TFCP2: variants seen among roughly 807,000 people sequenced by gnomAD.
TFCP2 encodes transcription factor CP2, also known as alpha-globin transcription factor CP2.
Under a neutral mutation model 73.4 loss-of-function variants are expected in TFCP2, and 33 were observed. The ratio of observed to expected loss-of-function variants is 0.45; its 90% CI spans 0.34 to 0.60. The LOEUF (loss-of-function observed/expected upper bound fraction) is 0.60. Among genes scored for constraint, TFCP2 ranks in the 20% least tolerant of loss-of-function variants. The pLI, the probability that TFCP2 is intolerant of heterozygous loss-of-function variation, is 0.01. For synonymous variants in TFCP2, 193 were observed against 211.6 expected, an observed-to-expected ratio of 0.91 and a Z score of 0.76; for missense variants, 352 against 604.0, an observed-to-expected ratio of 0.58 and a Z score of 4.37.
intron 1 of TFCP2, among the ~76,000 whole-genome samples, chr12:51,171,932 C>G (rs889955296): frequency 2.6e-5 from 4 of 152,182 alleles, no homozygotes; most frequent in African/African-American, 9.6e-5. Context: ...AATTTCCCAA[C>G]TTCCTAGATA....
chr12:51,106,029 T>C (rs1940229666), intron 8 of TFCP2, among the ~76,000 whole-genome samples: 1 of 152,190 alleles, frequency 6.6e-6, no homozygotes, highest in Non-Finnish European at 1.5e-5. Flanking sequence ...TTCCAAAACT[T>C]CATTTTAGCC....
At chr12:51,138,594 C>T (rs556893815) in intron 1 of TFCP2, among the ~76,000 whole-genome samples, 2 of 152,072 alleles carry the variant, frequency 1.3e-5, no homozygotes, top group African/African-American at 2.4e-5. Context: ...ATAGGACTTA[C>T]GAACATTTCT....
At chr12:51,159,005 TCCAAAAA>T (rs1941595918) in intron 1 of TFCP2, among the ~76,000 whole-genome samples, 1 of 104,414 alleles carries the variant, frequency 9.6e-6, no homozygotes. Context: ...CTACTAAAAA[TCCAAAAA>T]AAAAAAAAAA....
At chr12:51,165,599 A>G (rs901304586) in intron 1 of TFCP2, among the ~76,000 whole-genome samples, 3 of 152,126 alleles carry the variant, frequency 2.0e-5, no homozygotes, top group African/African-American at 7.2e-5. Flanking sequence ...CAGAGGCTGG[A>G]GTGGGGGGAG....
intron 4 of TFCP2, among the ~76,000 whole-genome samples, chr12:51,114,473 C>T (rs1314667621): frequency 1.3e-5 from 2 of 151,740 alleles, no homozygotes; most frequent in African/African-American, 2.4e-5. Context: ...GGTGTGGTGG[C>T]GGGCACCTGT....
chr12:51,108,074 C>A (rs1046796963), intron 6 of TFCP2, among the ~76,000 whole-genome samples: 2 of 151,494 alleles, frequency 1.3e-5, no homozygotes, highest in African/African-American at 2.4e-5. Flanking sequence ...TGCCTGAGGT[C>A]AGGAGTTCGA....
intron 2 of TFCP2, 73 bp from the exon 3 acceptor site, chr12:51,117,820 A>C: frequency 9.8e-7 from 1 of 1,021,328 alleles, no homozygotes; most frequent in Middle Eastern, 2.6e-4. Context: ...AATAAAATTC[A>C]GTTGGTTGAA....
chr12:51,107,376 C>G, intron 6 of TFCP2, 30 bp from the exon 7 acceptor site: 1 of 1,575,000 alleles, frequency 6.3e-7, no homozygotes, highest in South Asian at 1.2e-5. Flanking sequence ...GTTTTAAATT[C>G]AGGTACTCAC....
Position 51,118,660 on chromosome 12 carries a change from C to T in TFCP2, c.235G>A (p.Val79Met). The T allele has an allele frequency of 6.2e-7, 1 of 1,614,168 alleles. No homozygotes were observed. Among genetic ancestry groups the T allele is most frequent in the South Asian group, 1.1e-5 (1 of 91,080 alleles). ...YVLCAATSPAVKLHDETLTYL... is the reference protein window; with the variant it reads ...YVLCAATSPAMKLHDETLTYL... ...GTTAGGGTTTCATCATGGAGTTTCA[C>T]TGCTGGAGAGGTAGCAGCACAAAGC... Residue 79 changes from valine (V) to methionine (M), a missense_variant, in exon 2 of 15, where the codon GTG (valine) becomes ATG (methionine). Transcript: ENST00000257915.
intron 1 of TFCP2, among the ~76,000 whole-genome samples, chr12:51,151,714 G>C (rs568738104): frequency 6.4e-4 from 97 of 152,314 alleles, no homozygotes; most frequent in African/African-American, 2.3e-3. Context: ...GGGATTACAG[G>C]CGTGAGCCAC....
intron 9 of TFCP2, 57 bp downstream of exon 9, chr12:51,104,098 C>T (rs1940174705): frequency 1.3e-6 from 2 of 1,520,950 alleles, no homozygotes; most frequent in South Asian, 1.1e-5. Context: ...CTGAATTGGA[C>T]AGTCATCAAA....
At chr12:51,161,824 G>A (rs1941656961) in intron 1 of TFCP2, among the ~76,000 whole-genome samples, 1 of 142,124 alleles carries the variant, frequency 7.0e-6, no homozygotes, top group African/African-American at 2.6e-5. Context: ...CCAGACAATG[G>A]ACCTACTAGA....
At chr12:51,145,444 T>C (rs1258340493) in intron 1 of TFCP2, among the ~76,000 whole-genome samples, 1 of 150,370 alleles carries the variant, frequency 6.7e-6, no homozygotes, top group African/African-American at 2.4e-5. Flanking sequence ...TACACACCTG[T>C]AATTCCAGCT....
At chr12:51,100,894 C>A (rs1338256774) in intron 11 of TFCP2, among the ~76,000 whole-genome samples, 1 of 152,210 alleles carries the variant, frequency 6.6e-6, no homozygotes, top group Admixed American at 6.5e-5. Flanking sequence ...TGATTTAGTT[C>A]TGTTGCCATT....
chr12:51,112,979 AG>A (rs1456469809), intron 4 of TFCP2, among the ~76,000 whole-genome samples: 2 of 152,184 alleles, frequency 1.3e-5, no homozygotes, highest in African/African-American at 4.8e-5. Flanking sequence ...GGGTTTGAGT[AG>A]AACTTTTCTT....
intron 1 of TFCP2, among the ~76,000 whole-genome samples, chr12:51,147,805 A>C (rs1941330905): frequency 6.6e-6 from 1 of 152,232 alleles, no homozygotes; most frequent in South Asian, 2.1e-4. Context: ...AGACTTAATT[A>C]AACTAAAAAG....
At chr12:51,129,451 T>C (rs1449033788) in intron 1 of TFCP2, among the ~76,000 whole-genome samples, 1 of 147,430 alleles carries the variant, frequency 6.8e-6, no homozygotes, top group Non-Finnish European at 1.5e-5. Flanking sequence ...AGGCGGAGGT[T>C]GCAGTGAGCC....
rs1192118270 is a variant in TFCP2 at position 51,136,444 on chromosome 12, ACAGTATTACTGATAATAAAGGAAG to A, written c.123-17696_123-17673del. ...CATGTTTTCTTCCTCTCCAGTCTTTACAGTATTACTGATAATAAAGGAAGCAGTATTACTGATAATAAAGGAATT... is the reference window on the plus strand; with the variant it reads ...CATGTTTTCTTCCTCTCCAGTCTTTACAGTATTACTGATAATAAAGGAATT... On this transcript the variant is annotated intron_variant, in intron 1 of 14. Coordinates refer to ENST00000257915, the MANE Select transcript of TFCP2 (RefSeq NM_005653.5). Among the ~76,000 whole-genome samples the A allele has an allele frequency of 2.5e-4, 38 of 152,298 alleles. 1 individual carries two copies. The highest frequency in any genetic ancestry group is 3.4e-3 in the Middle Eastern group (1 of 294).
intron 1 of TFCP2, among the ~76,000 whole-genome samples, chr12:51,149,820 A>G (rs1004570877): frequency 1.3e-5 from 2 of 152,030 alleles, no homozygotes; most frequent in African/African-American, 4.8e-5. Context: ...AGGCTGGTCT[A>G]GAACTCCTGG....
Sources: gnomAD v4.1 joint callset for allele counts (sites outside exome capture counted in the v4.1 genomes callset) on GRCh38, gnomAD v4.1.1 for gene constraint, MANE v1.5 for transcripts, NCBI Gene and HGNC (gene_info 2026-07-23, HGNC 2026-07-21) for gene names.